The following IMPACT variants were observed in gnomAD, a reference collection of about 807,000 sequenced individuals.
IMPACT encodes protein IMPACT.
Under a neutral mutation model 47.5 loss-of-function variants are expected in IMPACT, and 35 were observed. The ratio of observed to expected loss-of-function variants is 0.74; its 90% CI spans 0.56 to 0.98. The LOEUF (loss-of-function observed/expected upper bound fraction) is 0.98, where lower values mean the gene tolerates loss of function less well. Among genes scored for constraint, IMPACT ranks in the 50% least tolerant of loss-of-function variants. The probability of loss-of-function intolerance (pLI) is 0.00; values close to 1 mark genes in which losing one functional copy is unlikely to be tolerated. For missense variants in IMPACT, 373 were observed against 394.8 expected (o/e 0.94, Z 0.47); for synonymous variants, 118 against 125.6 (o/e 0.94, Z 0.40).
chr18:24,440,641 C>G lies in IMPACT; in HGVS notation c.490+23C>G, dbSNP rs377485787. 106 of 1,582,246 alleles carry G rather than the reference C, an allele frequency of 6.7e-5. 1 individual carries two copies. The African/African-American group carries it at 1.3e-3, about 19-fold the overall frequency. The stretch of plus-strand genomic sequence containing the variant: ...CAGGTATAATGTTACTAACTAATTT[C>G]TTTTGAGGAGAGTGGGTTGGTAGTA... On this transcript the variant is annotated intron_variant, in intron 6 of 10. Transcript: ENST00000284202.
chr18:24,450,770 CTT>C lies in IMPACT; in HGVS notation c.895-5_895-4del. ...GGAGAGATGCTGCACTGATTTGTGT[CTT>C]TTTCAGGAGGAGTCATCTAAGGCTT... On this transcript the variant is annotated splice_polypyrimidine_tract_variant and splice_region_variant and intron_variant, in intron 10 of 10. Transcript: ENST00000284202. 6.3e-7 allele frequency: 1 copy of C among 1,597,460 alleles called. No individual in the cohort carries two copies. Among genetic ancestry groups the C allele is most frequent in the Non-Finnish European group, 8.6e-7 (1 of 1,166,616 alleles).
intron 4 of IMPACT, among the ~76,000 whole-genome samples, chr18:24,436,033 A>C (rs1908929647): frequency 6.6e-6 from 1 of 152,196 alleles, no homozygotes; most frequent in Non-Finnish European, 1.5e-5. Flanking sequence ...TTCTGAAGAA[A>C]ATGCTCTAAG....
intron 3 of IMPACT, among the ~76,000 whole-genome samples, chr18:24,429,782 A>AC (rs916889800): frequency 2.1e-5 from 3 of 145,214 alleles, no homozygotes; most frequent in Admixed American, 6.9e-5. Flanking sequence ...CTTTTAAGAA[A>AC]TTTTTTTTTT....
At chr18:24,431,638 G>A (rs1206196445) in intron 4 of IMPACT, among the ~76,000 whole-genome samples, 1 of 151,292 alleles carries the variant, frequency 6.6e-6, no homozygotes, top group African/African-American at 2.4e-5. Flanking sequence ...TCAGTCTCCC[G>A]GGTAGCTGGG....
chr18:24,445,348 G>A (rs762961970), intron 7 of IMPACT, 45 bp from the exon 8 acceptor site: 1 of 1,137,340 alleles, frequency 8.8e-7, no homozygotes, highest in Admixed American at 2.0e-5. Flanking sequence ...TATTTACAGA[G>A]CAAATATAAA....
chr18:24,434,776 A>ATATATATATAT (rs1555666477), intron 4 of IMPACT, among the ~76,000 whole-genome samples: 4 of 114,026 alleles, frequency 3.5e-5, no homozygotes, highest in African/African-American at 1.6e-4. Context: ...AAAAAAAAAA[A>ATATATATATAT]ATATATATAT....
chr18:24,444,936 C>T (rs1020386294), intron 7 of IMPACT, among the ~76,000 whole-genome samples: 1 of 152,208 alleles, frequency 6.6e-6, no homozygotes, highest in African/African-American at 2.4e-5. Context: ...AGAACTGCCA[C>T]TTATAAGACC....
rs1908661942 is a variant in IMPACT at position 24,428,125 on chromosome 18, T to G, written c.165+78T>G. ...TTGTTGACTTCTGTATTCTAATGAT[T>G]GTGTTGTTTTCTAAATTATCTTTGT... On this transcript the variant is annotated intron_variant, in intron 2 of 10. Transcript: ENST00000284202. The G allele has an allele frequency of 3.9e-6, 5 of 1,284,082 alleles. No homozygotes were observed. The Admixed American group carries it at 1.4e-4, about 36-fold the overall frequency. 79.5% of individuals were successfully genotyped at this position (1,284,082 alleles called of 1,614,324 possible). A position where few individuals can be genotyped will look rare whatever the true frequency, so the allele number is the denominator to read the frequency against.
chr18:24,445,836 C>T lies in IMPACT; in HGVS notation c.668+370C>T, dbSNP rs661538. Among the ~76,000 whole-genome samples the T allele has an allele frequency of 3.9e-5, 6 of 152,044 alleles. 1 individual carries two copies. Among genetic ancestry groups the T allele is most frequent in the Admixed American group, 2.0e-4 (3 of 15,266 alleles). ...GCTGTAAAATATTTGAGATGCCATA[C>T]TACAATTAACCATTTCCTTTTAGTT... On this transcript the variant is annotated intron_variant, in intron 8 of 10. Transcript: ENST00000284202.
At chr18:24,428,957 AG>A in intron 3 of IMPACT, 36 bp downstream of exon 3, 1 of 1,427,666 alleles carries the variant, frequency 7.0e-7, no homozygotes, top group Non-Finnish European at 9.8e-7. Context: ...TGCTATAAAA[AG>A]ATTCTATTCT....
intron 4 of IMPACT, chr18:24,435,617 A>G (rs1010638484): frequency 1.3e-5 from 2 of 152,240 alleles, no homozygotes; most frequent in Non-Finnish European, 2.9e-5. Flanking sequence ...GGCCGCTGCA[A>G]TAGGGGAAGG....
At chr18:24,446,733 T>TTTA (rs1406062131) in intron 8 of IMPACT, among the ~76,000 whole-genome samples, 3 of 152,330 alleles carry the variant, frequency 2.0e-5, no homozygotes, top group South Asian at 4.1e-4. Flanking sequence ...AATTCCCCTC[T>TTTA]TAATAGAGTA....
rs755535420 is a variant in IMPACT, at chr18:24,445,375, A to T, written c.595-18A>T. ...AAATATAAAAAGCATACTTATTTATATTATTGCTGTTTTTAAGGTGAAAAT... is the reference window on the plus strand; with the variant it reads ...AAATATAAAAAGCATACTTATTTATTTTATTGCTGTTTTTAAGGTGAAAAT... On this transcript the variant is annotated intron_variant, in intron 7 of 10. Transcript: ENST00000284202. 1 of 1,410,330 alleles carries T rather than the reference A, an allele frequency of 7.1e-7. No individual in the cohort carries two copies. Among genetic ancestry groups the T allele is most frequent in the South Asian group, 1.2e-5 (1 of 82,540 alleles). The allele number at this position is 1,410,330 out of a possible 1,614,324, so 87.4% of individuals were successfully genotyped here. A position where few individuals can be genotyped will look rare whatever the true frequency, so the allele number is the denominator to read the frequency against.
chr18:24,428,893 G>A lies in IMPACT; in HGVS notation c.190G>A (p.Gly64Ser). ...LQVMLPNEYPGTAPPIYQLNA... is the reference protein window; with the variant it reads ...LQVMLPNEYPSTAPPIYQLNA... ...GGTGATGCTGCCGAATGAATACCCA[G>A]GTACAGCTCCACCTATCTACCAGTT... Residue 64 changes from glycine to serine, a missense_variant, in exon 3 of 11, where the codon GGT becomes AGT. Transcript: ENST00000284202. 1 of 1,611,756 alleles carries A rather than the reference G, an allele frequency of 6.2e-7. No homozygotes were observed. Among genetic ancestry groups the A allele is most frequent in the Non-Finnish European group, 8.5e-7 (1 of 1,178,704 alleles).
intron 4 of IMPACT, among the ~76,000 whole-genome samples, chr18:24,433,184 CTTTTTTTTTTTT>C (rs35543338): frequency 9.9e-5 from 8 of 81,098 alleles, no homozygotes; most frequent in Admixed American, 2.0e-4. Context: ...ACTTTTAAAA[CTTTTTTTTTTTT>C]TTTTTTTTTT....
At chr18:24,430,851 A>G (rs1375471444) in intron 4 of IMPACT, among the ~76,000 whole-genome samples, 1 of 152,254 alleles carries the variant, frequency 6.6e-6, no homozygotes, top group African/African-American at 2.4e-5. Flanking sequence ...TGGTATTTTC[A>G]TAGGCTATGT....
chr18:24,450,014 A>G, intron 10 of IMPACT, 61 bp downstream of exon 10: 5 of 1,545,734 alleles, frequency 3.2e-6, no homozygotes, highest in Admixed American at 1.7e-5. Context: ...AATTTTTTAA[A>G]AAGACAGAAA....
In IMPACT at chr18:24,444,024, A is replaced by G. The variant is rs149596281; in HGVS notation, c.594+872A>G. 5.1e-3 allele frequency among the ~76,000 whole-genome samples: 776 copies of G among 152,336 alleles called. 2 individuals carry two copies. The highest frequency in any genetic ancestry group is 0.017 in the African/African-American group (712 of 41,572). On this transcript the variant is annotated intron_variant, in intron 7 of 10. Transcript: ENST00000284202. The stretch of plus-strand genomic sequence containing the variant: ...GAAGCTCTTTAAAGCCCTGGGCTTC[A>G]GGGATACAGCTCTTTGTACCAGGCT...
intron 1 of IMPACT, chr18:24,427,153 A>C: frequency 4.4e-6 from 1 of 227,582 alleles, no homozygotes. Flanking sequence ...CCCTTTGCAA[A>C]ATGGCAATAG....
Sources: gnomAD v4.1 joint callset for allele counts (sites outside exome capture counted in the v4.1 genomes callset) on GRCh38, gnomAD v4.1.1 for gene constraint, MANE v1.5 for transcripts, NCBI Gene and HGNC (gene_info 2026-07-23, HGNC 2026-07-21) for gene names.